Variants in PPP1CB observed in about 807,000 individuals in gnomAD.
PPP1CB encodes serine/threonine-protein phosphatase PP1-beta catalytic subunit.
Under a neutral mutation model 43.7 loss-of-function variants are expected in PPP1CB, and 2 were observed. The ratio of observed to expected loss-of-function variants is 0.05; its 90% confidence interval spans 0.02 to 0.14. The LOEUF is 0.14. Ranked by LOEUF, PPP1CB falls within the 10% of genes least tolerant of loss-of-function variation. The pLI is 1.00. For synonymous variants in PPP1CB, 136 were observed against 135.6 expected (o/e 1.00, Z -0.02); for missense variants, 84 against 398.0 (o/e 0.21, Z 6.71).
rs760324462 is a variant in PPP1CB at position 28,781,838 on chromosome 2, T to C, written c.516T>C (p.His172=). 5.0e-6 allele frequency: 8 copies of C among 1,609,416 alleles called. No individual in the cohort carries two copies. The highest frequency in any genetic ancestry group is 4.4e-5 in the South Asian group (4 of 90,866). The change falls in exon 4 of 8, where the codon CAT becomes CAC. Residue 172 remains histidine, a synonymous_variant. Coordinates refer to ENST00000395366, the MANE Select transcript of PPP1CB (RefSeq NM_002709.3). ...TGGATGAGAAGATCTTCTGTTGTCA[T>C]GGAGGTAGACTAGTAAATTTGCCTT... ...AIVDEKIFCC[H]GGLSPDLQSM... is the part of the protein sequence containing the mutation.
chr2:28,777,005 A>C, intron 2 of PPP1CB, 23 bp downstream of exon 2: 1 of 1,606,010 alleles, frequency 6.2e-7, no homozygotes, highest in South Asian at 1.1e-5. Context: ...GTAAAGTTGG[A>C]AACAACTCTT....
chr2:28,770,168 C>T (rs1174022456), intron 1 of PPP1CB, among the ~76,000 whole-genome samples: 1 of 152,030 alleles, frequency 6.6e-6, no homozygotes, highest in Non-Finnish European at 1.5e-5. Flanking sequence ...GAGGCTGAGG[C>T]AGGAGAATCG....
In PPP1CB at chr2:28,798,789, A is replaced by C. The variant is rs573793042; in HGVS notation, c.880-410A>C. On this transcript the variant is annotated intron_variant, in intron 7 of 7. Transcript: ENST00000395366. ...ATATCAATAAAGCTGTTTTTTAAGT[A>C]AAAAGATCTATTTATACATAAATAA... Among the ~76,000 whole-genome samples, 21 of 152,180 alleles carry C rather than the reference A, an allele frequency of 1.4e-4. No individual in the cohort carries two copies. The East Asian group carries it at 4.0e-3, about 29-fold the overall frequency.
intron 3 of PPP1CB, among the ~76,000 whole-genome samples, 156 bp from the exon 4 acceptor site, chr2:28,781,582 C>T (rs931782880): frequency 1.3e-5 from 2 of 151,958 alleles, no homozygotes; most frequent in African/African-American, 2.4e-5. Context: ...TTTGAAAGTA[C>T]GTAAATAACA....
chr2:28,792,944 G>A (rs961878359), intron 6 of PPP1CB, among the ~76,000 whole-genome samples: 6 of 152,154 alleles, frequency 3.9e-5, no homozygotes, highest in Non-Finnish European at 1.5e-5. Flanking sequence ...GGTGGCTCAC[G>A]CCTGTAATCC....
chr2:28,794,088 A>G, intron 7 of PPP1CB, 91 bp downstream of exon 7: 1 of 1,056,770 alleles, frequency 9.5e-7, no homozygotes, highest in Non-Finnish European at 1.4e-6. Flanking sequence ...TCCTTGAGCA[A>G]GTGTTGAAAG....
In PPP1CB at chr2:28,777,113, T is replaced by A. The variant is rs1308060885; in HGVS notation, c.184+131T>A. 10 of 952,942 alleles carry A rather than the reference T, an allele frequency of 1.0e-5. No individual in the cohort carries two copies. In the South Asian group the frequency reaches 2.1e-4, roughly 20 times the overall value. 59.0% of individuals were successfully genotyped at this position (952,942 alleles called of 1,614,324 possible). A position where few individuals can be genotyped will look rare whatever the true frequency, so the allele number is the denominator to read the frequency against. ...CAGTAGGCTTTACTAAATAAAAGTG[T>A]ATAAAAATTGAAACTTATAAAAATG... On this transcript the variant is annotated intron_variant, in intron 2 of 7. Transcript: ENST00000395366.
At chr2:28,774,409 C>T (rs1310170317) in intron 1 of PPP1CB, among the ~76,000 whole-genome samples, 1 of 152,060 alleles carries the variant, frequency 6.6e-6, no homozygotes, top group African/African-American at 2.4e-5. Flanking sequence ...CAGTTTGAGA[C>T]CCTTAATTCT....
chr2:28,760,286 T>A (rs181911595), intron 1 of PPP1CB, among the ~76,000 whole-genome samples: 1 of 152,344 alleles, frequency 6.6e-6, no homozygotes, highest in Admixed American at 6.5e-5. Context: ...TGTTTAAAAA[T>A]TTTTTTAAGT....
chr2:28,795,511 A>G (rs1667481409), intron 7 of PPP1CB, among the ~76,000 whole-genome samples: 1 of 152,146 alleles, frequency 6.6e-6, no homozygotes, highest in Admixed American at 6.6e-5. Context: ...ATTAATGGCC[A>G]TTCTGACTGG....
At chr2:28,779,403 T>G (rs1667102529) in intron 3 of PPP1CB, among the ~76,000 whole-genome samples, 1 of 152,216 alleles carries the variant, frequency 6.6e-6, no homozygotes, top group Non-Finnish European at 1.5e-5. Flanking sequence ...ATTAGTCCTG[T>G]GTCACAAGAA....
At chr2:28,797,220 C>T (rs953962048) in intron 7 of PPP1CB, among the ~76,000 whole-genome samples, 1 of 152,044 alleles carries the variant, frequency 6.6e-6, no homozygotes, top group Non-Finnish European at 1.5e-5. Context: ...GGATATTGGC[C>T]TGAGGTTTTC....
chr2:28,800,562 T>A lies in PPP1CB; in HGVS notation c.*1259T>A, dbSNP rs1012798590. Reference sequence around the variant, plus strand: ...TAGTAGCAATAATTTCTGTACCTGATCAAGTTTATTGCAGCCTTTCTTTTC... The same window carrying A: ...TAGTAGCAATAATTTCTGTACCTGAACAAGTTTATTGCAGCCTTTCTTTTC... On this transcript the variant is annotated 3_prime_UTR_variant, in exon 8 of 8. Coordinates refer to ENST00000395366, the MANE Select transcript of PPP1CB (RefSeq NM_002709.3). 1.3e-5 allele frequency: 2 copies of A among 152,516 alleles called. No homozygotes were observed. The highest frequency in any genetic ancestry group is 6.6e-5 in the Admixed American group (1 of 15,258). 9.4% of individuals were successfully genotyped at this position (152,516 alleles called of 1,614,324 possible).
intron 1 of PPP1CB, among the ~76,000 whole-genome samples, chr2:28,756,016 A>G (rs149624834): frequency 1.2e-3 from 187 of 152,328 alleles, no homozygotes; most frequent in Non-Finnish European, 2.2e-3. Flanking sequence ...TTTTTGTTTA[A>G]AGATACTTAA....
At chr2:28,778,743 A>G in intron 2 of PPP1CB, 66 bp from the exon 3 acceptor site, 1 of 1,001,194 alleles carries the variant, frequency 1.0e-6, no homozygotes. Context: ...AACATTGGGA[A>G]TCATTTCATA....
rs189092656 is a variant in PPP1CB, at chr2:28,772,333, G to A, written c.53-4518G>A. Among the ~76,000 whole-genome samples, 20 of 152,230 alleles carry A rather than the reference G, an allele frequency of 1.3e-4. No individual in the cohort carries two copies. The East Asian group carries it at 3.7e-3, about 28-fold the overall frequency. ...AAAAAAAGGGTACTTGACAACCTTG[G>A]TCCTCGGGGAAATCAAATTAAATCC... On this transcript the variant is annotated intron_variant, in intron 1 of 7. Coordinates refer to ENST00000395366, the MANE Select transcript of PPP1CB (RefSeq NM_002709.3).
At chr2:28,791,593 G>C (rs557674676) in intron 6 of PPP1CB, among the ~76,000 whole-genome samples, 95 of 152,222 alleles carry the variant, frequency 6.2e-4, no homozygotes, top group African/African-American at 2.2e-3. Context: ...CTCCCAAAGT[G>C]CTGGGATTAT....
chr2:28,753,524 A>G (rs1235379596), intron 1 of PPP1CB, among the ~76,000 whole-genome samples: 3 of 152,176 alleles, frequency 2.0e-5, no homozygotes, highest in Non-Finnish European at 4.4e-5. Flanking sequence ...TTTACTATCA[A>G]GTTATTCCTG....
chr2:28,761,118 C>T (rs1666635768), intron 1 of PPP1CB, among the ~76,000 whole-genome samples: 1 of 152,094 alleles, frequency 6.6e-6, no homozygotes, highest in Non-Finnish European at 1.5e-5. Context: ...TCTCGAACAC[C>T]TGACCTTGTG....
Sources: allele counts gnomAD v4.1 joint callset (sites outside exome capture counted in the v4.1 genomes callset), GRCh38; gene constraint gnomAD v4.1.1; transcripts MANE v1.5; gene names NCBI Gene and HGNC (gene_info 2026-07-23, HGNC 2026-07-21).